CLSTN2: variants seen among roughly 807,000 people sequenced by gnomAD.
CLSTN2 encodes calsyntenin-2.
CLSTN2 carries 48 observed loss-of-function variants against 101.2 expected under a neutral mutation model. That is an observed-to-expected ratio of 0.47 (90% CI 0.38 to 0.60). The LOEUF is 0.60. Among genes scored for constraint, CLSTN2 ranks in the 20% least tolerant of loss-of-function variants. The probability of loss-of-function intolerance (pLI) is 0.00; values close to 1 mark genes in which losing one functional copy is unlikely to be tolerated. For synonymous variants in CLSTN2, 481 were observed against 463.6 expected (o/e 1.04, Z -0.48); for missense variants, 1,160 against 1,238.2 (o/e 0.94, Z 0.95).
intron 6 of CLSTN2, among the ~76,000 whole-genome samples, chr3:140,455,819 A>C (rs1365513784): frequency 6.6e-6 from 1 of 152,224 alleles, no homozygotes; most frequent in Non-Finnish European, 1.5e-5. Flanking sequence ...TATACCAAAA[A>C]ATGAAATACA....
At chr3:139,960,500 T>TA (rs776242950) in intron 1 of CLSTN2, among the ~76,000 whole-genome samples, 14 of 152,220 alleles carry the variant, frequency 9.2e-5, no homozygotes, top group Non-Finnish European at 1.9e-4. Flanking sequence ...CAGGCATTTT[T>TA]ATTCTGGAGG....
chr3:140,439,003 G>A, intron 5 of CLSTN2, among the ~76,000 whole-genome samples: 1 of 152,222 alleles, frequency 6.6e-6, no homozygotes, highest in Non-Finnish European at 1.5e-5. Flanking sequence ...CCCCCAGACA[G>A]CCAGGGTAAA....
chr3:140,164,081 G>A (rs577063189), intron 1 of CLSTN2, among the ~76,000 whole-genome samples: 71 of 152,216 alleles, frequency 4.7e-4, no homozygotes, highest in Admixed American at 3.3e-3. Context: ...ATGTTCAGTA[G>A]GTAAAATATT....
At chr3:140,513,583 C>CTTT (rs55778787) in intron 8 of CLSTN2, among the ~76,000 whole-genome samples, 8,154 of 117,350 alleles carry the variant, frequency 0.069, 230 homozygotes, top group Non-Finnish European at 0.097. Context: ...TTTTTTCTTT[C>CTTT]TTTTTTTTTT....
At chr3:139,973,875 A>T (rs1171724829) in intron 1 of CLSTN2, among the ~76,000 whole-genome samples, 2 of 152,038 alleles carry the variant, frequency 1.3e-5, no homozygotes, top group South Asian at 4.2e-4. Flanking sequence ...CTTGGGATTC[A>T]ATTTTCCCGC....
At chr3:140,353,791 A>C (rs1038280557) in intron 2 of CLSTN2, among the ~76,000 whole-genome samples, 4 of 152,188 alleles carry the variant, frequency 2.6e-5, no homozygotes, top group African/African-American at 7.2e-5. Context: ...GTATTTTTCA[A>C]TTCTAAATAG....
At chr3:139,985,437 T>C (rs1407309741) in intron 1 of CLSTN2, among the ~76,000 whole-genome samples, 1 of 152,150 alleles carries the variant, frequency 6.6e-6, no homozygotes, top group African/African-American at 2.4e-5. Flanking sequence ...CTCAGCTTGA[T>C]AAAAGTCAAC....
chr3:139,949,806 T>C (rs769818148), intron 1 of CLSTN2, among the ~76,000 whole-genome samples: 11 of 152,216 alleles, frequency 7.2e-5, no homozygotes, highest in Non-Finnish European at 1.5e-4. Flanking sequence ...CTTTCCTATG[T>C]CATTCCTTGG....
At chr3:140,434,434 C>G (rs1040502781) in intron 5 of CLSTN2, among the ~76,000 whole-genome samples, 13 of 152,198 alleles carry the variant, frequency 8.5e-5, no homozygotes, top group Admixed American at 8.5e-4. Flanking sequence ...CCCCTGGGAA[C>G]CATGAGCTGG....
At chr3:140,303,280 C>A (rs1196849996) in intron 2 of CLSTN2, among the ~76,000 whole-genome samples, 2 of 152,172 alleles carry the variant, frequency 1.3e-5, no homozygotes, top group East Asian at 3.8e-4. Flanking sequence ...AAGATGTGGT[C>A]TCTCTCATTC....
intron 1 of CLSTN2, among the ~76,000 whole-genome samples, chr3:140,054,506 ACTTGTAAAC>A (rs1001100919): frequency 2.6e-4 from 39 of 152,202 alleles, no homozygotes; most frequent in African/African-American, 8.9e-4. Context: ...GGTGGAGATG[ACTTGTAAAC>A]CTAGATCTAT....
In CLSTN2 at chr3:140,566,356, T is replaced by A; in HGVS notation, c.*103T>A. 1 of 1,197,464 alleles carries A rather than the reference T, an allele frequency of 8.4e-7. No homozygotes were observed. Among genetic ancestry groups the A allele is most frequent in the Non-Finnish European group, 1.2e-6 (1 of 840,298 alleles). 74.2% of individuals were successfully genotyped at this position (1,197,464 alleles called of 1,614,324 possible). On this transcript the variant is annotated 3_prime_UTR_variant, in exon 17 of 17. Coordinates refer to ENST00000458420, the MANE Select transcript of CLSTN2 (RefSeq NM_022131.3). ...TCACCTCTGATGTCTGTGACATGTC[T>A]GGGAAGGCCTTCTCCAGCTTCCTGG... is the stretch of plus-strand genomic sequence containing the variant.
At chr3:140,290,523 G>A (rs1014000909) in intron 2 of CLSTN2, among the ~76,000 whole-genome samples, 6 of 152,268 alleles carry the variant, frequency 3.9e-5, no homozygotes, top group African/African-American at 1.4e-4. Flanking sequence ...ATGAGGAAAA[G>A]GAGGAGGTAG....
At chr3:140,068,095 G>A (rs763391164) in intron 1 of CLSTN2, among the ~76,000 whole-genome samples, 17 of 152,176 alleles carry the variant, frequency 1.1e-4, no homozygotes, top group Non-Finnish European at 1.9e-4. Flanking sequence ...GGTTTAAAAG[G>A]CAGCAAAGAG....
intron 6 of CLSTN2, among the ~76,000 whole-genome samples, chr3:140,450,398 G>A (rs747961195): frequency 6.6e-6 from 1 of 152,316 alleles, no homozygotes; most frequent in Non-Finnish European, 1.5e-5. Flanking sequence ...CTCATAAGGC[G>A]AGAAGTGCCT....
intron 8 of CLSTN2, among the ~76,000 whole-genome samples, chr3:140,497,735 A>C (rs919247280): frequency 4.0e-5 from 6 of 150,858 alleles, no homozygotes; most frequent in African/African-American, 1.5e-4. Context: ...AGTCTATAAA[A>C]CTCCTGTGTC....
chr3:140,522,042 C>CTGG (rs746666257), intron 8 of CLSTN2, among the ~76,000 whole-genome samples: 4 of 152,218 alleles, frequency 2.6e-5, no homozygotes, highest in Non-Finnish European at 4.4e-5. Context: ...ACCCGAGACC[C>CTGG]TGGTGGCTTG....
intron 2 of CLSTN2, among the ~76,000 whole-genome samples, chr3:140,362,600 C>T (rs1383560257): frequency 6.6e-6 from 1 of 152,042 alleles, no homozygotes; most frequent in Non-Finnish European, 1.5e-5. Context: ...ATATAAATAA[C>T]TCTTACAATT....
chr3:140,013,094 T>C (rs888267046), intron 1 of CLSTN2, among the ~76,000 whole-genome samples: 4 of 152,176 alleles, frequency 2.6e-5, no homozygotes, highest in Non-Finnish European at 5.9e-5. Context: ...GGAGCAGCTA[T>C]AGGGAGAGAC....
Sources: gnomAD v4.1 joint callset for allele counts (sites outside exome capture counted in the v4.1 genomes callset) on GRCh38, gnomAD v4.1.1 for gene constraint, MANE v1.5 for transcripts, NCBI Gene and HGNC (gene_info 2026-07-23, HGNC 2026-07-21) for gene names.